The following PDE3A variants were observed in gnomAD, a reference collection of about 807,000 sequenced individuals.
PDE3A encodes cGMP-inhibited 3',5'-cyclic phosphodiesterase 3A.
A neutral mutation model predicts 98.3 loss-of-function variants in PDE3A; 43 were observed. The ratio of observed to expected loss-of-function variants is 0.44; its 90% CI spans 0.34 to 0.56. The LOEUF is 0.56. Ranked by LOEUF, PDE3A falls within the 20% of genes least tolerant of loss-of-function variation. PDE3A has a pLI of 0.01. For missense variants in PDE3A, 1,427 were observed against 1,440.7 expected, an observed-to-expected ratio of 0.99 and a Z score of 0.15; for synonymous variants, 663 against 567.9, an observed-to-expected ratio of 1.17 and a Z score of -2.38.
At chr12:20,639,227 T>C (rs557226585) in intron 9 of PDE3A, among the ~76,000 whole-genome samples, 5 of 152,176 alleles carry the variant, frequency 3.3e-5, no homozygotes, top group South Asian at 4.1e-4. Context: ...CAAAATATTT[T>C]CTAAGAGTCA....
chr12:20,526,863 G>T (rs1946531852), intron 1 of PDE3A, among the ~76,000 whole-genome samples: 2 of 149,798 alleles, frequency 1.3e-5, no homozygotes, highest in Non-Finnish European at 3.0e-5. Flanking sequence ...ATGTTTTAAG[G>T]CCATTAGGAG....
At chr12:20,580,822 C>G (rs1943044535) in intron 2 of PDE3A, among the ~76,000 whole-genome samples, 1 of 152,192 alleles carries the variant, frequency 6.6e-6, no homozygotes, top group African/African-American at 2.4e-5. Flanking sequence ...GCTGTCCTAA[C>G]AAACACGCAA....
Position 20,369,997 on chromosome 12 carries a change from C to G in PDE3A, c.713C>G (p.Pro238Arg), listed in dbSNP as rs1033400391. 4.3e-6 allele frequency: 7 copies of G among 1,613,058 alleles called. No individual in the cohort carries two copies. Among genetic ancestry groups the G allele is most frequent in the Non-Finnish European group, 5.9e-6 (7 of 1,179,990 alleles). Reference sequence around the variant, plus strand: ...GAGAGGTTCAAGGTCGCCTGGAGACCTTACCTGGCGTACCTGGCCGGCGTG... The same window carrying G: ...GAGAGGTTCAAGGTCGCCTGGAGACGTTACCTGGCGTACCTGGCCGGCGTG... ...SLERFKVAWR[P>R]YLAYLAGVLG... Residue 238 changes from proline to arginine, a missense_variant, in exon 1 of 16, where the codon CCT (proline) becomes CGT (arginine). By Grantham distance (103) the Pro-to-Arg change is moderately radical. This residue lies in a region of PDE3A where 1,012 missense variants were observed against 886.5 expected (regional missense o/e 1.14). Transcript: ENST00000359062.
intron 1 of PDE3A, among the ~76,000 whole-genome samples, chr12:20,485,195 G>A (rs1347739278): frequency 5.3e-5 from 8 of 152,106 alleles, no homozygotes; most frequent in South Asian, 2.1e-4. Context: ...TGAGGGCTGC[G>A]AGGGAAAATC....
chr12:20,492,215 A>G (rs1485607006), intron 1 of PDE3A, among the ~76,000 whole-genome samples: 3 of 152,138 alleles, frequency 2.0e-5, no homozygotes, highest in Non-Finnish European at 4.4e-5. Context: ...TCCTTACCTC[A>G]AGTGATCCTC....
At chr12:20,373,828 A>G (rs1397564095) in intron 1 of PDE3A, among the ~76,000 whole-genome samples, 2 of 152,168 alleles carry the variant, frequency 1.3e-5, no homozygotes, top group Non-Finnish European at 1.5e-5. Context: ...GAGAGAAAGC[A>G]AACAACAGCA....
intron 1 of PDE3A, among the ~76,000 whole-genome samples, chr12:20,377,497 G>T (rs533123782): frequency 2.6e-5 from 4 of 151,774 alleles, no homozygotes; most frequent in Admixed American, 1.3e-4. Context: ...ATAGACACAG[G>T]TGGCTAATGG....
intron 15 of PDE3A, among the ~76,000 whole-genome samples, chr12:20,670,587 C>A (rs923621097): frequency 6.6e-6 from 1 of 151,918 alleles, no homozygotes; most frequent in East Asian, 1.9e-4. Flanking sequence ...ACAACCTGCT[C>A]CTGAATGACT....
At chr12:20,370,411 T>TG (rs1255996684) in intron 1 of PDE3A, 167 bp downstream of exon 1, 7 of 422,432 alleles carry the variant, frequency 1.7e-5, no homozygotes, top group African/African-American at 1.5e-4. Context: ...TTTTTTTTGT[T>TG]TTTTTTTTTT....
chr12:20,670,935 A>G (rs1404575509), intron 15 of PDE3A, among the ~76,000 whole-genome samples: 1 of 130,012 alleles, frequency 7.7e-6, no homozygotes, highest in Non-Finnish European at 1.6e-5. Context: ...GGATCAACAA[A>G]ATTGATAGAC....
chr12:20,369,632 G>A lies in PDE3A; in HGVS notation c.348G>A (p.Arg116=). 6.3e-7 allele frequency: 1 copy of A among 1,590,448 alleles called. No individual in the cohort carries two copies. ...AAGGGGGCGTCTTCCCGGGGCCTCG[G>A]GGAGGTGCTCCCGGGGGCGGTGCGC... ...GAEGGVFPGP[R]GGAPGGGARL... The change falls in exon 1 of 16, where the codon CGG becomes CGA. Residue 116 remains arginine (R), a synonymous_variant. Transcript: ENST00000359062.
chr12:20,650,836 T>C (rs1317540428), intron 14 of PDE3A, among the ~76,000 whole-genome samples: 1 of 152,082 alleles, frequency 6.6e-6, no homozygotes, highest in African/African-American at 2.4e-5. Context: ...GGGAAGAAGA[T>C]ATTGAGATAG....
At chr12:20,407,201 C>A (rs769347068) in intron 1 of PDE3A, among the ~76,000 whole-genome samples, 9 of 152,120 alleles carry the variant, frequency 5.9e-5, no homozygotes, top group Non-Finnish European at 1.2e-4. Flanking sequence ...TTTTCATTCT[C>A]TATTTAATGG....
chr12:20,682,766 T>G lies in PDE3A; in HGVS notation c.*2495T>G, dbSNP rs2120512309. The stretch of plus-strand genomic sequence containing the variant: ...CTTATCTTCTCATACCCCTTGCATC[T>G]AAGTACTTAGCAAAGTCAATATTTT... On this transcript the variant is annotated 3_prime_UTR_variant, in exon 16 of 16. Coordinates refer to ENST00000359062, the MANE Select transcript of PDE3A (RefSeq NM_000921.5). 6.6e-6 allele frequency: 1 copy of G among 152,340 alleles called. No homozygotes were observed. Among genetic ancestry groups the G allele is most frequent in the African/African-American group, 2.4e-5 (1 of 41,588 alleles). 9.4% of individuals were successfully genotyped at this position (152,340 alleles called of 1,614,324 possible).
chr12:20,551,611 G>A (rs1454957723), intron 1 of PDE3A: 4 of 1,564,816 alleles, frequency 2.6e-6, no homozygotes, highest in East Asian at 4.8e-5. Flanking sequence ...GCAGGACCCC[G>A]ACAAGCAGCT....
Position 20,370,021 on chromosome 12 carries a change from T to C in PDE3A, c.737T>C (p.Val246Ala). 1.9e-6 allele frequency: 3 copies of C among 1,613,056 alleles called. No individual in the cohort carries two copies. Among genetic ancestry groups the C allele is most frequent in the Non-Finnish European group, 2.5e-6 (3 of 1,179,918 alleles). The change falls in exon 1 of 16, where the codon GTG becomes GCG. Residue 246 changes from valine (V) to alanine (A), a missense_variant. Coordinates refer to ENST00000359062, the MANE Select transcript of PDE3A (RefSeq NM_000921.5). ...CCTTACCTGGCGTACCTGGCCGGCG[T>C]GCTGGGGATCCTCTTGGCCAGGTAC... is the stretch of plus-strand genomic sequence containing the variant. The part of the protein sequence containing the change: ...WRPYLAYLAG[V>A]LGILLARYVE...
intron 1 of PDE3A, among the ~76,000 whole-genome samples, chr12:20,442,208 G>C (rs1944881498): frequency 6.6e-6 from 1 of 152,150 alleles, no homozygotes; most frequent in Non-Finnish European, 1.5e-5. Context: ...TTAAAATTAT[G>C]TAATGTATTT....
Position 20,601,179 on chromosome 12 carries a change from T to TAAGA in PDE3A, c.1012-12263_1012-12260dup, listed in dbSNP as rs1943582438. ...TGCAACGAGGATCTATGTATATATG[T>TAAGA]AAGATCTGGTCAGAGATGCAAGGTT... On this transcript the variant is annotated intron_variant, in intron 2 of 15. Transcript: ENST00000359062. Among the ~76,000 whole-genome samples the TAAGA allele has an allele frequency of 3.3e-5, 5 of 152,314 alleles. No homozygotes were observed. In the South Asian group the frequency reaches 1.0e-3, roughly 32 times the overall value.
intron 1 of PDE3A, among the ~76,000 whole-genome samples, chr12:20,461,008 G>C (rs920835992): frequency 1.3e-5 from 2 of 152,102 alleles, no homozygotes; most frequent in African/African-American, 4.8e-5. Flanking sequence ...GAAATGTAGA[G>C]TCCGTATCAG....
Sources: gnomAD v4.1 joint callset for allele counts (sites outside exome capture counted in the v4.1 genomes callset) on GRCh38, gnomAD v4.1.1 for gene constraint, gnomAD v4.1.1 regional missense constraint, MANE v1.5 for transcripts, NCBI Gene and HGNC (gene_info 2026-07-23, HGNC 2026-07-21) for gene names.